SH3KBP1: variants seen among roughly 807,000 people sequenced by gnomAD.
The protein encoded by SH3KBP1 is SH3 domain containing kinase binding protein 1, also known as SH3 domain-containing kinase-binding protein 1.
A neutral mutation model predicts 50.1 loss-of-function variants in SH3KBP1; 8 were observed. That is an observed-to-expected ratio of 0.16 (90% CI 0.09 to 0.29). The LOEUF (loss-of-function observed/expected upper bound fraction) is 0.29. Ranked by LOEUF, SH3KBP1 falls within the 10% of genes least tolerant of loss-of-function variation. The pLI, the probability that SH3KBP1 is intolerant of heterozygous loss-of-function variation, is 1.00. For missense variants in SH3KBP1, 377 were observed against 535.2 expected, an observed-to-expected ratio of 0.70 and a Z score of 2.92; for synonymous variants, 227 against 218.6, an observed-to-expected ratio of 1.04 and a Z score of -0.34.
chrX:19,653,617 A>G (rs2062185211), intron 6 of SH3KBP1, among the ~76,000 whole-genome samples: 1 of 110,432 alleles, frequency 9.1e-6, no homozygotes, highest in East Asian at 2.8e-4. Flanking sequence ...AGGCTGAGGC[A>G]GGAGAATCAC....
At chrX:19,575,418 T>C (rs2066169182) in intron 12 of SH3KBP1, among the ~76,000 whole-genome samples, 1 of 110,765 alleles carries the variant, frequency 9.0e-6, no homozygotes, top group African/African-American at 3.3e-5. Context: ...TCGGATAGCC[T>C]GAACCACAAG....
rs1161031896 is a variant in SH3KBP1, at chrX:19,654,315, C to T, written c.727-8840G>A. On this transcript the variant is annotated intron_variant, in intron 6 of 17. Transcript: ENST00000397821. ...GGGTGAGACTGTCTCTTCGTTGAAG[C>T]AAAATGACTTTCTAAGATTTAGTAG... 2.7e-5 allele frequency among the ~76,000 whole-genome samples: 3 copies of T among 111,644 alleles called. No homozygotes were observed. In the East Asian group the frequency reaches 8.4e-4, roughly 31 times the overall value.
At chrX:19,832,741 T>G (rs928690200) in intron 2 of SH3KBP1, among the ~76,000 whole-genome samples, 6 of 111,372 alleles carry the variant, frequency 5.4e-5, no homozygotes, top group African/African-American at 2.0e-4. Flanking sequence ...GACAGGAGCC[T>G]GCTGCCATGC....
At chrX:19,768,407 G>C (rs1451069831) in intron 2 of SH3KBP1, among the ~76,000 whole-genome samples, 2 of 102,813 alleles carry the variant, frequency 1.9e-5, no homozygotes, top group South Asian at 4.7e-4. Flanking sequence ...ATAAATGAGA[G>C]ATTTGAATTC....
At chrX:19,684,648 T>C (rs979437076) in intron 5 of SH3KBP1, among the ~76,000 whole-genome samples, 2 of 112,343 alleles carry the variant, frequency 1.8e-5, no homozygotes, top group Admixed American at 9.4e-5. Context: ...TAAGACGGTT[T>C]CACTAGCAAG....
At chrX:19,690,038 TTC>T (rs566949129) in intron 5 of SH3KBP1, among the ~76,000 whole-genome samples, 19,146 of 94,726 alleles carry the variant, frequency 0.2, 2,647 homozygotes, top group African/African-American at 0.52. Flanking sequence ...AAAACCATCT[TTC>T]TCTCTCTCTC....
intron 1 of SH3KBP1, among the ~76,000 whole-genome samples, chrX:19,851,197 G>T (rs1457443469): frequency 8.9e-6 from 1 of 112,235 alleles, no homozygotes; most frequent in Non-Finnish European, 1.9e-5. Flanking sequence ...GCCTGACAAG[G>T]CACCTTTCAG....
At chrX:19,722,697 C>T (rs917031086) in intron 3 of SH3KBP1, among the ~76,000 whole-genome samples, 12 of 108,883 alleles carry the variant, frequency 1.1e-4, no homozygotes, top group African/African-American at 3.4e-4. Context: ...TATAATTGCA[C>T]AGGATCTGCC....
At position 19,590,185 on chromosome X, in the gene SH3KBP1, C is replaced by T. The variant is rs369803593; in HGVS notation, c.1139-1383G>A. Among the ~76,000 whole-genome samples the T allele has an allele frequency of 8.0e-5, 9 of 112,004 alleles. No individual in the cohort carries two copies. The East Asian group carries it at 2.5e-3, about 32-fold the overall frequency. On this transcript the variant is annotated intron_variant, in intron 11 of 17. Transcript: ENST00000397821. ...ACAATGTGGGGAAATATGCTCCAAT[C>T]AGGAATGCTGGCAACTCATTTTATG... is the stretch of plus-strand genomic sequence containing the variant.
chrX:19,608,942 T>C (rs2067325254), intron 8 of SH3KBP1, among the ~76,000 whole-genome samples: 1 of 112,636 alleles, frequency 8.9e-6, no homozygotes, highest in Non-Finnish European at 1.9e-5. Flanking sequence ...AGGCTCTCCA[T>C]TCTTCCAGAG....
At chrX:19,702,674 C>A (rs756990371) in intron 4 of SH3KBP1, among the ~76,000 whole-genome samples, 4 of 109,415 alleles carry the variant, frequency 3.7e-5, no homozygotes, top group African/African-American at 1.3e-4. Context: ...AAACAAAAAA[C>A]AAAACGAAAC....
intron 1 of SH3KBP1, among the ~76,000 whole-genome samples, chrX:19,861,026 T>C (rs2068761844): frequency 9.0e-6 from 1 of 111,634 alleles, no homozygotes. Context: ...ATGGAAACTA[T>C]ACCATTTTTG....
chrX:19,625,430 G>A (rs1446691898), intron 8 of SH3KBP1, among the ~76,000 whole-genome samples: 2 of 110,618 alleles, frequency 1.8e-5, no homozygotes, highest in African/African-American at 6.6e-5. Flanking sequence ...GGAAGAAACT[G>A]GAAGAAAGCA....
At chrX:19,683,767 C>G in intron 6 of SH3KBP1, 56 bp downstream of exon 6, 8 of 1,102,392 alleles carry the variant, frequency 7.3e-6, no homozygotes, top group Non-Finnish European at 1.0e-5. Context: ...AACCCCACAA[C>G]GTACTTTTGG....
chrX:19,873,289 T>TAA (rs1569493039), intron 1 of SH3KBP1, among the ~76,000 whole-genome samples: 1 of 75,210 alleles, frequency 1.3e-5, no homozygotes. Context: ...TATATATATA[T>TAA]GTATATATAT....
At chrX:19,800,022 G>T (rs895123001) in intron 2 of SH3KBP1, among the ~76,000 whole-genome samples, 5 of 111,681 alleles carry the variant, frequency 4.5e-5, no homozygotes, top group African/African-American at 1.6e-4. Context: ...CTGGAGAACC[G>T]CAGAGTCTGC....
chrX:19,862,786 G>A (rs2068811305), intron 1 of SH3KBP1, among the ~76,000 whole-genome samples: 1 of 112,046 alleles, frequency 8.9e-6, no homozygotes, highest in Non-Finnish European at 1.9e-5. Context: ...AAAGAGGTCA[G>A]CTCACAATTG....
In SH3KBP1 at chrX:19,667,812, A is replaced by ATT. The variant is rs779927127; in HGVS notation, c.726+16009_726+16010dup. ...AAAGTCTTACTTTTGTTCTGTTGGGATTTTTTTTTTTTTTTTTTTTTTTTT... is the reference window on the plus strand; with the variant it reads ...AAAGTCTTACTTTTGTTCTGTTGGGATTTTTTTTTTTTTTTTTTTTTTTTTTT... On this transcript the variant is annotated intron_variant, in intron 6 of 17. Coordinates refer to ENST00000397821, the MANE Select transcript of SH3KBP1 (RefSeq NM_031892.3). Among the ~76,000 whole-genome samples, 428 of 55,856 alleles carry ATT rather than the reference A, an allele frequency of 7.7e-3. 8 individuals carry two copies. The highest frequency in any genetic ancestry group is 0.03 in the African/African-American group (349 of 11,521). 48.5% of individuals were successfully genotyped at this position (55,856 alleles called of 115,157 possible). A position where few individuals can be genotyped will look rare whatever the true frequency, so the allele number is the denominator to read the frequency against.
intron 1 of SH3KBP1, among the ~76,000 whole-genome samples, chrX:19,858,360 C>A (rs773551050): frequency 9.2e-4 from 102 of 111,106 alleles, no homozygotes; most frequent in African/African-American, 3.1e-3. Flanking sequence ...GTGGCTTACA[C>A]CTGTAATACC....
Sources: allele counts gnomAD v4.1 joint callset (sites outside exome capture counted in the v4.1 genomes callset), GRCh38; gene constraint gnomAD v4.1.1; transcripts MANE v1.5; gene names NCBI Gene and HGNC (gene_info 2026-07-23, HGNC 2026-07-21).